MORC1: variants seen among roughly 807,000 people sequenced by gnomAD.
The protein encoded by MORC1 is MORC family CW-type zinc finger protein 1.
Under a neutral mutation model 134.9 loss-of-function variants are expected in MORC1, and 59 were observed. The ratio of observed to expected loss-of-function variants is 0.44; its 90% CI spans 0.35 to 0.54. MORC1 has a LOEUF of 0.54. Ranked by LOEUF, MORC1 falls within the 20% of genes least tolerant of loss-of-function variation. MORC1 has a pLI of 0.00. For synonymous variants in MORC1, 395 were observed against 391.7 expected, an observed-to-expected ratio of 1.01 and a Z score of -0.10; for missense variants, 947 against 1,134.5, an observed-to-expected ratio of 0.83 and a Z score of 2.37.
intron 24 of MORC1, among the ~76,000 whole-genome samples, chr3:108,972,524 T>TACA (rs955770235): frequency 2.6e-5 from 4 of 152,180 alleles, no homozygotes; most frequent in Non-Finnish European, 4.4e-5. Flanking sequence ...AAATATGACA[T>TACA]ACAACACTCC....
intron 8 of MORC1, among the ~76,000 whole-genome samples, chr3:109,079,927 T>C (rs1306926734): frequency 6.6e-6 from 1 of 152,196 alleles, no homozygotes; most frequent in Non-Finnish European, 1.5e-5. Context: ...ACTAGAACTA[T>C]ATGAAGAAGT....
intron 14 of MORC1, among the ~76,000 whole-genome samples, chr3:109,044,693 C>T (rs1356436923): frequency 6.6e-6 from 1 of 151,848 alleles, no homozygotes; most frequent in Admixed American, 6.6e-5. Flanking sequence ...GCCTGTAATC[C>T]CAGCACTTTG....
At chr3:108,971,843 G>C (rs1275917201) in intron 24 of MORC1, among the ~76,000 whole-genome samples, 1 of 141,710 alleles carries the variant, frequency 7.1e-6, no homozygotes, top group Non-Finnish European at 1.5e-5. Context: ...GGGAGGGAGG[G>C]AGGCAGGGAG....
At chr3:109,061,138 G>A (rs1040031353) in intron 11 of MORC1, among the ~76,000 whole-genome samples, 1 of 152,112 alleles carries the variant, frequency 6.6e-6, no homozygotes, top group South Asian at 2.1e-4. Context: ...CTTGGTCCTG[G>A]AAAGTCAAAT....
chr3:109,060,246 C>T (rs563362812), intron 11 of MORC1, among the ~76,000 whole-genome samples: 20 of 145,876 alleles, frequency 1.4e-4, no homozygotes, highest in African/African-American at 4.7e-4. Flanking sequence ...TATGTGACCA[C>T]GAAGTGTTTT....
At position 108,975,388 on chromosome 3, in the gene MORC1, C is replaced by CT. The variant is rs537108773; in HGVS notation, c.2478-3987dup. On this transcript the variant is annotated intron_variant, in intron 24 of 27. Coordinates refer to ENST00000232603, the MANE Select transcript of MORC1 (RefSeq NM_014429.4). The stretch of plus-strand genomic sequence containing the variant: ...TTAAAAAGTTACTTTCTTTTTAAAA[C>CT]TTTTTTTTGGTATTTTAAAAATCTA... Among the ~76,000 whole-genome samples, 603 of 151,986 alleles carry CT rather than the reference C, an allele frequency of 4.0e-3. 3 individuals are homozygous for CT. The highest frequency in any genetic ancestry group is 0.014 in the African/African-American group (581 of 41,464).
chr3:109,102,734 T>C (rs1950953385), intron 4 of MORC1, among the ~76,000 whole-genome samples: 1 of 152,214 alleles, frequency 6.6e-6, no homozygotes, highest in Non-Finnish European at 1.5e-5. Flanking sequence ...TCCCTTAGAA[T>C]ATATCACATA....
chr3:109,087,884 G>C, intron 8 of MORC1, among the ~76,000 whole-genome samples: 1 of 152,010 alleles, frequency 6.6e-6, no homozygotes, highest in East Asian at 1.9e-4. Context: ...CAGACACATA[G>C]ATCAATGAAA....
intron 14 of MORC1, among the ~76,000 whole-genome samples, chr3:109,042,448 T>C (rs1949574913): frequency 6.6e-6 from 1 of 152,168 alleles, no homozygotes; most frequent in Non-Finnish European, 1.5e-5. Flanking sequence ...TTGGCAAGGA[T>C]GCGGATAGAA....
At chr3:109,113,694 C>T (rs1368096877) in intron 2 of MORC1, among the ~76,000 whole-genome samples, 1 of 151,938 alleles carries the variant, frequency 6.6e-6, no homozygotes, top group Non-Finnish European at 1.5e-5. Context: ...TGAAGCCCCT[C>T]ACAAGCTCCC....
At chr3:108,975,427 C>T in intron 24 of MORC1, among the ~76,000 whole-genome samples, 1 of 151,944 alleles carries the variant, frequency 6.6e-6, no homozygotes, top group African/African-American at 2.4e-5. Flanking sequence ...TAACAAAAAG[C>T]ATGTTTATAT....
At chr3:109,019,953 A>G (rs112127447) in intron 17 of MORC1, among the ~76,000 whole-genome samples, 6 of 152,354 alleles carry the variant, frequency 3.9e-5, no homozygotes, top group African/African-American at 1.4e-4. Context: ...CTTTATTACA[A>G]AAAAACCCTG....
intron 25 of MORC1, 47 bp from the exon 26 acceptor site, chr3:108,969,769 T>C (rs1248059785): frequency 1.3e-6 from 2 of 1,564,832 alleles, no homozygotes; most frequent in East Asian, 2.2e-5. Context: ...TTTTAGAGAA[T>C]GTGCTGTCTA....
At chr3:109,032,874 A>G in intron 15 of MORC1, 49 bp from the exon 16 acceptor site, 2 of 1,215,884 alleles carry the variant, frequency 1.6e-6, no homozygotes, top group South Asian at 2.6e-5. Flanking sequence ...AAATGAATCT[A>G]TCATAGTAAG....
At chr3:109,044,971 T>G (rs1216235896) in intron 14 of MORC1, among the ~76,000 whole-genome samples, 1 of 143,466 alleles carries the variant, frequency 7.0e-6, no homozygotes, top group African/African-American at 2.6e-5. Flanking sequence ...GAAAAAGAAA[T>G]ACAACATCCT....
intron 22 of MORC1, among the ~76,000 whole-genome samples, chr3:108,985,128 C>T (rs1325114263): frequency 6.6e-6 from 1 of 152,138 alleles, no homozygotes; most frequent in Non-Finnish European, 1.5e-5. Flanking sequence ...CCCCCAATAA[C>T]CCACTCTCTC....
chr3:109,102,273 G>A (rs1950943255), intron 4 of MORC1, among the ~76,000 whole-genome samples: 1 of 152,092 alleles, frequency 6.6e-6, no homozygotes, highest in South Asian at 2.1e-4. Context: ...AACAAGAAAA[G>A]GCCAAAGAGG....
chr3:109,099,428 G>A lies in MORC1; in HGVS notation c.353C>T (p.Thr118Met), dbSNP rs762624333. ...ACAGGTCATCGTTTCTTCCTTCTTC[G>A]TAAAAAGAATAAAGTCTTTTCCAAT... is the stretch of plus-strand genomic sequence containing the variant. ...MRIGKDFILF[T>M]KKEETMTCVF... is the part of the protein sequence containing the mutation. Residue 118 changes from threonine (T) to methionine (M), a missense_variant, in exon 6 of 28, where the codon ACG becomes ATG. By Grantham distance (81) the Thr-to-Met change is moderately conservative. Transcript: ENST00000232603. The A allele has an allele frequency of 1.7e-5, 28 of 1,612,428 alleles. No individual in the cohort carries two copies. The highest frequency in any genetic ancestry group is 2.4e-5 in the Non-Finnish European group (28 of 1,179,396).
intron 8 of MORC1, among the ~76,000 whole-genome samples, chr3:109,079,471 A>C (rs960897817): frequency 2.0e-5 from 3 of 152,142 alleles, no homozygotes; most frequent in African/African-American, 7.2e-5. Context: ...AAAATAAATA[A>C]AACAAAATGT....
Sources: allele counts gnomAD v4.1 joint callset (sites outside exome capture counted in the v4.1 genomes callset), GRCh38; gene constraint gnomAD v4.1.1; transcripts MANE v1.5; gene names NCBI Gene and HGNC (gene_info 2026-07-23, HGNC 2026-07-21).